Variants in TONSL observed in about 807,000 individuals in gnomAD.
TONSL encodes tonsoku like, DNA repair protein, also known as tonsoku-like protein.
Under a neutral mutation model 147.1 loss-of-function variants are expected in TONSL, and 112 were observed. The observed-to-expected ratio is 0.76, with a 90% CI of 0.65 to 0.89. The LOEUF (loss-of-function observed/expected upper bound fraction) is 0.89, where lower values mean the gene tolerates loss of function less well. Among genes scored for constraint, TONSL ranks in the 40% least tolerant of loss-of-function variants. TONSL has a pLI of 0.00. For synonymous variants in TONSL, 868 were observed against 801.5 expected (o/e 1.08, Z -1.40); for missense variants, 1,883 against 1,864.6 (o/e 1.01, Z -0.18).
chr8:144,443,128 G>T lies in TONSL; in HGVS notation c.448+10C>A. The T allele has an allele frequency of 6.5e-7, 1 of 1,549,158 alleles. No homozygotes were observed. The highest frequency in any genetic ancestry group is 8.7e-7 in the Non-Finnish European group (1 of 1,145,910). ...TTCAGGAGGCAGAAAACGCGGAGGG[G>T]TCTGCCCACCCTCCAGCTCCTCATC... On this transcript the variant is annotated intron_variant, in intron 4 of 25. Transcript: ENST00000409379.
chr8:144,438,575 A>G lies in TONSL; in HGVS notation c.1564-15T>C, dbSNP rs772662168. 10 of 1,613,128 alleles carry G rather than the reference A, an allele frequency of 6.2e-6. 1 individual carries two copies. In the South Asian group the frequency reaches 9.9e-5, roughly 16 times the overall value. Reference sequence around the variant, plus strand: ...CGCCGGTTCCACTGTGGGCACAGCCAACCCAGCACAGGGCAGGGGCGTGAG... The same window carrying G: ...CGCCGGTTCCACTGTGGGCACAGCCGACCCAGCACAGGGCAGGGGCGTGAG... On this transcript the variant is annotated splice_polypyrimidine_tract_variant and intron_variant, in intron 12 of 25. Coordinates refer to ENST00000409379, the MANE Select transcript of TONSL (RefSeq NM_013432.5).
Position 144,436,118 on chromosome 8 carries a change from C to T in TONSL, c.2315G>A (p.Trp772Ter). 1 of 1,557,948 alleles carries T rather than the reference C, an allele frequency of 6.4e-7. No individual in the cohort carries two copies. The highest frequency in any genetic ancestry group is 8.6e-7 in the Non-Finnish European group (1 of 1,158,548). Residue 772 changes from tryptophan to a stop codon, truncating the protein, a stop_gained, in exon 17 of 26, where the codon TGG becomes TAG. Coordinates refer to ENST00000409379, the MANE Select transcript of TONSL (RefSeq NM_013432.5). LOFTEE classifies it high-confidence loss of function. Reference sequence around the variant, plus strand: ...CCTGTTGCTGGCGGGGCCAGGCGTCCAGGCTGCCACCCGTTGTGCTGTGGC... The same window carrying T: ...CCTGTTGCTGGCGGGGCCAGGCGTCTAGGCTGCCACCCGTTGTGCTGTGGC... ...CSATAQRVAA[W>*]TPGPASNREA...
Position 144,442,819 on chromosome 8 carries a change from C to A in TONSL, c.449-13G>T. 1.9e-6 allele frequency: 3 copies of A among 1,605,450 alleles called. No individual in the cohort carries two copies. Among genetic ancestry groups the A allele is most frequent in the Non-Finnish European group, 2.6e-6 (3 of 1,175,608 alleles). On this transcript the variant is annotated splice_polypyrimidine_tract_variant and intron_variant, in intron 4 of 25. Transcript: ENST00000409379. ...TGGGCCAGTGTCCCTGGAAGATACC[C>A]CCCCAAACACTCAGCCACTTCCTCC...
Position 144,430,521 on chromosome 8 carries a change from G to A in TONSL, c.3826C>T (p.Pro1276Ser), listed in dbSNP as rs782717218. The A allele has an allele frequency of 1.9e-6, 3 of 1,612,054 alleles. No homozygotes were observed. Among genetic ancestry groups the A allele is most frequent in the South Asian group, 2.2e-5 (2 of 90,804 alleles). Reference protein sequence around the residue: ...RDLCRCLSLCPSLISLDLSAN... With the variant: ...RDLCRCLSLCSSLISLDLSAN... ...GACAGATCCAGTGAGATGAGTGAGG[G>A]GCACAGAGAGAGACATCTGAGATAA... Residue 1276 changes from proline (P) to serine (S), a missense_variant, in exon 25 of 26, where the codon CCC becomes TCC. Coordinates refer to ENST00000409379, the MANE Select transcript of TONSL (RefSeq NM_013432.5).
In TONSL at chr8:144,432,179, T is replaced by C. The variant is rs1168077971; in HGVS notation, c.3735+106A>G. On this transcript the variant is annotated intron_variant, in intron 23 of 25. Coordinates refer to ENST00000409379, the MANE Select transcript of TONSL (RefSeq NM_013432.5). ...CCTCTAACTCTCTCTGTAGAGCCCC[T>C]CAGCGAGTTCAGCCCGAATCTGGGG... 4 of 1,256,818 alleles carry C rather than the reference T, an allele frequency of 3.2e-6. No individual in the cohort carries two copies. In the African/African-American group the frequency reaches 6.0e-5, roughly 19 times the overall value. The allele number at this position is 1,256,818 out of a possible 1,614,324, so 77.9% of individuals were successfully genotyped here. A position where few individuals can be genotyped will look rare whatever the true frequency, so the allele number is the denominator to read the frequency against.
At chr8:144,443,020 G>A in intron 4 of TONSL, 118 bp downstream of exon 4, 2 of 1,318,884 alleles carry the variant, frequency 1.5e-6, no homozygotes, top group East Asian at 2.5e-5. Flanking sequence ...TCACACAAGA[G>A]CCTTGCAAAG....
chr8:144,432,327 A>C lies in TONSL; in HGVS notation c.3693T>G (p.Gly1231=), dbSNP rs1586681726. 1 of 1,613,066 alleles carries C rather than the reference A, an allele frequency of 6.2e-7. No homozygotes were observed. Among genetic ancestry groups the C allele is most frequent in the Non-Finnish European group, 8.5e-7 (1 of 1,179,780 alleles). ...LELSSVAAGK[G]DSDLMEPVFR... ...ATACAGGCTCCATGAGGTCCGAATC[A>C]CCCTTGCCGGCTGCCACGGAGCTGA... The change falls in exon 23 of 26, where the codon GGT becomes GGG. Residue 1231 remains glycine, a synonymous_variant. Coordinates refer to ENST00000409379, the MANE Select transcript of TONSL (RefSeq NM_013432.5).
rs1212407982 is a variant in TONSL, at chr8:144,431,522, G to GT, written c.3736-372dup. ...CCCCCAGCTGTTTTTTTCTTTTTTT[G>GT]TTTTTTTTTTGAGACAGAGTCTCGC... is the stretch of plus-strand genomic sequence containing the variant. On this transcript the variant is annotated intron_variant, in intron 23 of 25. Coordinates refer to ENST00000409379, the MANE Select transcript of TONSL (RefSeq NM_013432.5). Among the ~76,000 whole-genome samples the GT allele has an allele frequency of 2.1e-3, 314 of 147,864 alleles. 1 individual carries two copies. The highest frequency in any genetic ancestry group is 3.4e-3 in the Middle Eastern group (1 of 290).
intron 20 of TONSL, among the ~76,000 whole-genome samples, chr8:144,434,503 C>A (rs1823352583): frequency 6.6e-6 from 1 of 152,164 alleles, no homozygotes; most frequent in African/African-American, 2.4e-5. Flanking sequence ...AGATTCCACA[C>A]CCCCCGGGAC....
rs1823161373 is a variant in TONSL, at chr8:144,430,927, A to C, written c.3809+151T>G. 5.7e-6 allele frequency: 5 copies of C among 879,588 alleles called. No homozygotes were observed. In the East Asian group the frequency reaches 9.9e-5, roughly 17 times the overall value. The allele number at this position is 879,588 out of a possible 1,614,324, so 54.5% of individuals were successfully genotyped here. ...CAGAGGGTAGTCTGCCTTCCAGGGC[A>C]GCCTGAGAGGCTGGTGGAAACCGAA... On this transcript the variant is annotated intron_variant, in intron 24 of 25. Coordinates refer to ENST00000409379, the MANE Select transcript of TONSL (RefSeq NM_013432.5).
Position 144,428,877 on chromosome 8 carries a change from C to T in TONSL, c.*266G>A, listed in dbSNP as rs1192768215. On this transcript the variant is annotated 3_prime_UTR_variant, in exon 26 of 26. Transcript: ENST00000409379. ...CGATCTCGGCTCACTGCAAGCTCCG[C>T]CTCCCGGGTTCACGCCATTCTCCTG... 3.1e-5 allele frequency: 10 copies of T among 326,672 alleles called. No individual in the cohort carries two copies. The highest frequency in any genetic ancestry group is 1.9e-4 in the African/African-American group (9 of 46,626). 20.2% of individuals were successfully genotyped at this position (326,672 alleles called of 1,614,324 possible).
chr8:144,432,504 C>A, intron 22 of TONSL, 44 bp from the exon 23 acceptor site: 2 of 1,470,842 alleles, frequency 1.4e-6, no homozygotes, highest in Non-Finnish European at 1.8e-6. Flanking sequence ...GGCCACAGCC[C>A]TGTACCCACC....
At chr8:144,441,926 G>C in intron 7 of TONSL, 111 bp downstream of exon 7, 1 of 882,200 alleles carries the variant, frequency 1.1e-6, no homozygotes, top group Non-Finnish European at 1.8e-6. Flanking sequence ...AGGTGCTCAG[G>C]CCTCCTCTGT....
At position 144,438,504 on chromosome 8, in the gene TONSL, G is replaced by A; in HGVS notation, c.1620C>T (p.Gly540=). ...CAAGGTCCTGGACGCGGCGCAGCTG[G>A]CCCTCGATGCAGGCTCGGTGCAGCA... The part of the protein sequence containing the change: ...ETLLHRACIE[G]QLRRVQDLVR... The change falls in exon 13 of 26, where the codon GGC becomes GGT. Residue 540 remains glycine (G), a synonymous_variant. Coordinates refer to ENST00000409379, the MANE Select transcript of TONSL (RefSeq NM_013432.5). The A allele has an allele frequency of 6.2e-7, 1 of 1,613,070 alleles. No individual in the cohort carries two copies.
Position 144,433,652 on chromosome 8 carries a change from C to A in TONSL, c.3495G>T (p.Gln1165His). The stretch of plus-strand genomic sequence containing the variant: ...AGAAGCTGGGGCCGAAGCCACACGC[C>A]TGCAGGCGCAGGGTGCTGAGTAAGG... ...ACPLLSTLRL[Q>H]ACGFGPSFFL... Residue 1165 changes from glutamine (Q) to histidine (H), a missense_variant, in exon 22 of 26, where the codon CAG (glutamine) becomes CAT (histidine). Gln to His is a conservative substitution (Grantham distance 24). Transcript: ENST00000409379. The A allele has an allele frequency of 6.2e-7, 1 of 1,613,292 alleles. No individual in the cohort carries two copies. Among genetic ancestry groups the A allele is most frequent in the Non-Finnish European group, 8.5e-7 (1 of 1,179,982 alleles).
chr8:144,442,687 A>G lies in TONSL; in HGVS notation c.568T>C (p.Phe190Leu). 6.2e-7 allele frequency: 1 copy of G among 1,612,768 alleles called. No homozygotes were observed. Among genetic ancestry groups the G allele is most frequent in the Non-Finnish European group, 8.5e-7 (1 of 1,179,834 alleles). The change falls in exon 5 of 26, where the codon TTC becomes CTC. Residue 190 changes from phenylalanine to leucine, a missense_variant. Phe to Leu is a conservative substitution (Grantham distance 22, BLOSUM62 0). Transcript: ENST00000409379. ...GGGGCAGGGCCTTACTCCGCAAGGAAGATGCTCTTCCTGAAGTAATCGTTG... is the reference window on the plus strand; with the variant it reads ...GGGGCAGGGCCTTACTCCGCAAGGAGGATGCTCTTCCTGAAGTAATCGTTG... ...LCNDYFRKSI[F>L]LAEQNHLYED...
Sources: gnomAD v4.1 joint callset for allele counts (sites outside exome capture counted in the v4.1 genomes callset) on GRCh38, gnomAD v4.1.1 for gene constraint, MANE v1.5 for transcripts, NCBI Gene and HGNC (gene_info 2026-07-23, HGNC 2026-07-21) for gene names.